GRM8: variants seen among roughly 807,000 people sequenced by gnomAD.
GRM8 encodes the protein glutamate metabotropic receptor 8.
A neutral mutation model predicts 87.2 loss-of-function variants in GRM8; 47 were observed. The ratio of observed to expected loss-of-function variants is 0.54; its 90% CI spans 0.43 to 0.69. GRM8 has a LOEUF of 0.69. Ranked by LOEUF, GRM8 falls within the 30% of genes least tolerant of loss-of-function variation. GRM8 has a pLI of 0.00. For missense variants in GRM8, 1,019 were observed against 1,139.2 expected, an observed-to-expected ratio of 0.89 and a Z score of 1.52; for synonymous variants, 396 against 404.5, an observed-to-expected ratio of 0.98 and a Z score of 0.25.
At chr7:126,774,131 T>C (rs1819161602) in intron 6 of GRM8, among the ~76,000 whole-genome samples, 1 of 152,168 alleles carries the variant, frequency 6.6e-6, no homozygotes, top group Non-Finnish European at 1.5e-5. Context: ...ACTGAAAGAC[T>C]GAATACTATT....
chr7:126,751,119 G>C (rs886817337), intron 7 of GRM8, among the ~76,000 whole-genome samples: 2 of 151,996 alleles, frequency 1.3e-5, no homozygotes, highest in Non-Finnish European at 2.9e-5. Context: ...CTCAATAAAT[G>C]TTAGCACTTG....
intron 7 of GRM8, among the ~76,000 whole-genome samples, chr7:126,673,890 TTAA>T (rs1017292683): frequency 8.5e-5 from 13 of 152,300 alleles, no homozygotes; most frequent in South Asian, 2.1e-4. Flanking sequence ...TTACATATTA[TTAA>T]TATTTTCCCT....
At chr7:126,647,361 ATAAATAGATATATAAATATATC>A in intron 7 of GRM8, among the ~76,000 whole-genome samples, 1 of 150,832 alleles carries the variant, frequency 6.6e-6, no homozygotes, top group Non-Finnish European at 1.5e-5. Flanking sequence ...ATAGATAGAT[ATAAATAGATATATAAATATATC>A]TATTTATATA....
At chr7:126,948,780 G>A (rs1379899793) in intron 3 of GRM8, among the ~76,000 whole-genome samples, 2 of 152,156 alleles carry the variant, frequency 1.3e-5, no homozygotes, top group Non-Finnish European at 2.9e-5. Context: ...ATTCTCAGAT[G>A]GGCCAGCCCA....
At chr7:126,491,733 C>T (rs1371081384) in intron 9 of GRM8, among the ~76,000 whole-genome samples, 1 of 151,960 alleles carries the variant, frequency 6.6e-6, no homozygotes, top group Non-Finnish European at 1.5e-5. Context: ...ATAGGAAAGG[C>T]TGTTGAAAGA....
chr7:126,976,390 T>C (rs906489053), intron 3 of GRM8, among the ~76,000 whole-genome samples: 3 of 152,180 alleles, frequency 2.0e-5, no homozygotes, highest in African/African-American at 7.2e-5. Flanking sequence ...GATCAGGATA[T>C]TAAGATCATC....
chr7:126,785,651 C>A (rs910963432), intron 6 of GRM8, among the ~76,000 whole-genome samples: 1 of 151,992 alleles, frequency 6.6e-6, no homozygotes, highest in African/African-American at 2.4e-5. Flanking sequence ...TCATCCTGTT[C>A]TCCATCCTGC....
intron 7 of GRM8, among the ~76,000 whole-genome samples, chr7:126,626,563 C>T (rs1450246887): frequency 6.6e-6 from 1 of 152,016 alleles, no homozygotes; most frequent in Non-Finnish European, 1.5e-5. Context: ...CTTGTTCTGG[C>T]CTATCCTGTT....
intron 9 of GRM8, among the ~76,000 whole-genome samples, chr7:126,491,398 A>G (rs1389689636): frequency 6.6e-6 from 1 of 152,092 alleles, no homozygotes; most frequent in Non-Finnish European, 1.5e-5. Flanking sequence ...GGGAACTACA[A>G]TGAAATGGAT....
intron 3 of GRM8, among the ~76,000 whole-genome samples, chr7:126,911,641 T>C (rs1416772261): frequency 6.6e-6 from 1 of 152,202 alleles, no homozygotes; most frequent in African/African-American, 2.4e-5. Flanking sequence ...AAATTTGCTC[T>C]TGGCATCTAC....
intron 9 of GRM8, among the ~76,000 whole-genome samples, chr7:126,478,007 A>G (rs927820067): frequency 2.6e-5 from 4 of 152,104 alleles, no homozygotes; most frequent in Admixed American, 2.0e-4. Flanking sequence ...CCATGTCCAC[A>G]TGGCCTTCTC....
chr7:127,107,943 C>A (rs2133093171), intron 2 of GRM8, among the ~76,000 whole-genome samples: 1 of 152,302 alleles, frequency 6.6e-6, no homozygotes, highest in South Asian at 2.1e-4. Flanking sequence ...GCTGACTATT[C>A]ATTCAGCTTC....
intron 2 of GRM8, among the ~76,000 whole-genome samples, chr7:127,201,190 C>G (rs985391892): frequency 4.6e-5 from 7 of 152,184 alleles, no homozygotes; most frequent in Non-Finnish European, 8.8e-5. Flanking sequence ...AGGAAGCTTA[C>G]CTTTTATCAA....
intron 9 of GRM8, among the ~76,000 whole-genome samples, chr7:126,524,898 T>A (rs1813596943): frequency 6.6e-6 from 1 of 152,244 alleles, no homozygotes; most frequent in South Asian, 2.1e-4. Context: ...ATTTTCTTGA[T>A]TCACTCTTAA....
chr7:126,766,636 T>A (rs1204234327), intron 7 of GRM8, among the ~76,000 whole-genome samples: 1 of 152,140 alleles, frequency 6.6e-6, no homozygotes, highest in East Asian at 1.9e-4. Context: ...ATAGCTAGGC[T>A]AAAAACCTTC....
At chr7:126,998,779 C>T (rs748439005) in intron 3 of GRM8, among the ~76,000 whole-genome samples, 1 of 151,514 alleles carries the variant, frequency 6.6e-6, no homozygotes, top group South Asian at 2.1e-4. Context: ...AAAATGAAGA[C>T]ATTCCATGTT....
intron 9 of GRM8, among the ~76,000 whole-genome samples, chr7:126,451,450 T>G (rs1802608235): frequency 6.6e-6 from 1 of 151,772 alleles, no homozygotes; most frequent in South Asian, 2.1e-4. Flanking sequence ...GCCATCATCA[T>G]CTCTCATTTG....
Position 126,609,412 on chromosome 7 carries a change from T to C in GRM8, c.1444A>G (p.Ser482Gly), listed in dbSNP as rs1354218152. 1 of 1,613,530 alleles carries C rather than the reference T, an allele frequency of 6.2e-7. No homozygotes were observed. The highest frequency in any genetic ancestry group is 8.5e-7 in the Non-Finnish European group (1 of 1,179,560). The change falls in exon 8 of 11, where the codon AGC becomes GGC. Residue 482 changes from serine (S) to glycine (G), a missense_variant. By Grantham distance (56) the Ser-to-Gly change is moderately conservative. Transcript: ENST00000339582. ...TGGCCGATGACTTTGTACTCTGTGC[T>C]TTTGTTGGTTATTTGATACTGGAAG... Reference protein sequence around the residue: ...DIFQYQITNKSTEYKVIGHWT... With the variant: ...DIFQYQITNKGTEYKVIGHWT...
At chr7:127,189,109 T>C (rs933977448) in intron 2 of GRM8, among the ~76,000 whole-genome samples, 49 of 152,216 alleles carry the variant, frequency 3.2e-4, no homozygotes, top group African/African-American at 2.4e-5. Flanking sequence ...CAGTGTGGCA[T>C]TTCCTCCCTA....
Sources: allele counts gnomAD v4.1 joint callset (sites outside exome capture counted in the v4.1 genomes callset), GRCh38; gene constraint gnomAD v4.1.1; transcripts MANE v1.5; gene names NCBI Gene and HGNC (gene_info 2026-07-23, HGNC 2026-07-21).